The following SHISA9 variants were observed in gnomAD, a reference collection of about 807,000 sequenced individuals.
The protein encoded by SHISA9 is shisa family member 9, also known as protein shisa-9.
SHISA9 carries 13 observed loss-of-function variants against 38.0 expected under a neutral mutation model. The observed-to-expected ratio is 0.34, with a 90% CI of 0.22 to 0.54. The LOEUF (loss-of-function observed/expected upper bound fraction) is 0.54. Among genes scored for constraint, SHISA9 ranks in the 20% least tolerant of loss-of-function variants. SHISA9 has a pLI of 0.91. For synonymous variants in SHISA9, 275 were observed against 242.0 expected, an observed-to-expected ratio of 1.14 and a Z score of -1.27; for missense variants, 538 against 575.8, an observed-to-expected ratio of 0.93 and a Z score of 0.67.
the SHISA9 span, among the ~76,000 whole-genome samples, chr16:13,262,679 A>AG: frequency 4.3e-3 from 453 of 104,142 alleles, 9 homozygotes; most frequent in Non-Finnish European, 4.9e-3. Context: ...GAAGGGAGGG[A>AG]GGAAGGAAGG....
At chr16:13,000,290 G>A (rs1249784406) in intron 2 of SHISA9, among the ~76,000 whole-genome samples, 1 of 151,988 alleles carries the variant, frequency 6.6e-6, no homozygotes, top group Non-Finnish European at 1.5e-5. Context: ...AGATTCCTAT[G>A]CAAGTGATTT....
chr16:13,367,455 C>G, the SHISA9 span, among the ~76,000 whole-genome samples: 1 of 151,468 alleles, frequency 6.6e-6, no homozygotes, highest in African/African-American at 2.4e-5. Context: ...TTATCATTGT[C>G]CCTATTTTTC....
At chr16:13,183,953 G>C (rs377674389) in intron 2 of SHISA9, among the ~76,000 whole-genome samples, 2 of 152,016 alleles carry the variant, frequency 1.3e-5, no homozygotes, top group Admixed American at 6.6e-5. Flanking sequence ...TGGGAGGGGC[G>C]GACAGAAACT....
At chr16:12,963,394 A>T (rs914193519) in intron 2 of SHISA9, among the ~76,000 whole-genome samples, 8 of 152,162 alleles carry the variant, frequency 5.3e-5, no homozygotes, top group African/African-American at 1.9e-4. Flanking sequence ...AGGAGCTCCT[A>T]GTGTAGCAAG....
At chr16:13,434,417 A>ATGTTTTTTTTTTTTGTT in the SHISA9 span, among the ~76,000 whole-genome samples, 5 of 41,798 alleles carry the variant, frequency 1.2e-4, no homozygotes, top group Non-Finnish European at 2.6e-4. Context: ...TAGACAAGCT[A>ATGTTTTTTTTTTTTGTT]TGTTTTTTTT....
chr16:13,158,558 C>T (rs184810176), intron 2 of SHISA9, among the ~76,000 whole-genome samples: 2 of 152,320 alleles, frequency 1.3e-5, no homozygotes, highest in African/African-American at 4.8e-5. Flanking sequence ...TTCACTGTCC[C>T]TGTTACTTGG....
chr16:12,902,741 C>G, intron 1 of SHISA9, 114 bp downstream of exon 1: 1 of 1,131,804 alleles, frequency 8.8e-7, no homozygotes, highest in African/African-American at 1.6e-5. Context: ...GCATCCCAGC[C>G]TCTCCGCTGG....
intron 2 of SHISA9, among the ~76,000 whole-genome samples, chr16:12,925,047 A>C (rs1182159082): frequency 2.0e-5 from 3 of 148,066 alleles, no homozygotes; most frequent in Non-Finnish European, 4.6e-5. Flanking sequence ...TATTGGTGCG[A>C]AAGTTGGCTG....
At chr16:13,400,654 G>A in the SHISA9 span, among the ~76,000 whole-genome samples, 3 of 152,148 alleles carry the variant, frequency 2.0e-5, no homozygotes, top group African/African-American at 4.8e-5. Flanking sequence ...ATGTTGTCTC[G>A]ATCAGAGGAC....
intron 2 of SHISA9, among the ~76,000 whole-genome samples, chr16:12,963,702 G>T (rs1156512277): frequency 1.3e-5 from 2 of 152,192 alleles, no homozygotes; most frequent in African/African-American, 4.8e-5. Context: ...TGATTATAAG[G>T]CTAGGAAGGT....
chr16:13,122,440 A>G (rs963559333), intron 2 of SHISA9, among the ~76,000 whole-genome samples: 1 of 152,228 alleles, frequency 6.6e-6, no homozygotes, highest in African/African-American at 2.4e-5. Context: ...TCTGTGCTAC[A>G]GGAAGGCAGC....
intron 2 of SHISA9, among the ~76,000 whole-genome samples, chr16:12,924,535 A>G (rs1444952400): frequency 6.6e-6 from 1 of 152,228 alleles, no homozygotes; most frequent in Non-Finnish European, 1.5e-5. Context: ...ATAGTTGGGC[A>G]GACTAGTTGT....
chr16:13,411,722 CTG>C, the SHISA9 span, among the ~76,000 whole-genome samples: 1 of 152,218 alleles, frequency 6.6e-6, no homozygotes, highest in Admixed American at 6.5e-5. Flanking sequence ...AGGATACACT[CTG>C]TAAGTTACAC....
chr16:13,354,092 C>A, the SHISA9 span, among the ~76,000 whole-genome samples: 1 of 149,058 alleles, frequency 6.7e-6, no homozygotes, highest in African/African-American at 2.5e-5. Flanking sequence ...GCTAATTTGC[C>A]AGTCCTGGGT....
At chr16:13,300,790 C>A in the SHISA9 span, among the ~76,000 whole-genome samples, 1 of 152,072 alleles carries the variant, frequency 6.6e-6, no homozygotes, top group South Asian at 2.1e-4. Flanking sequence ...GCCAAGTGCA[C>A]AAAATGGAGC....
At chr16:12,923,806 AC>A (rs1331834633) in intron 2 of SHISA9, among the ~76,000 whole-genome samples, 7 of 151,722 alleles carry the variant, frequency 4.6e-5, no homozygotes, top group Non-Finnish European at 7.4e-5. Flanking sequence ...ACGTCACTGC[AC>A]CCCAGCCTGG....
At chr16:13,509,272 C>CAAAAAAAA in the SHISA9 span, among the ~76,000 whole-genome samples, 1 of 146,236 alleles carries the variant, frequency 6.8e-6, no homozygotes, top group Non-Finnish European at 1.5e-5. Context: ...GTCAGAAATG[C>CAAAAAAAA]AAAAAAAAAA....
At chr16:13,145,234 A>G (rs2050436797) in intron 2 of SHISA9, among the ~76,000 whole-genome samples, 1 of 152,120 alleles carries the variant, frequency 6.6e-6, no homozygotes, top group African/African-American at 2.4e-5. Context: ...AGCACTTAGT[A>G]GTTATGTGAG....
At chr16:13,200,226 G>C (rs1270737051) in intron 2 of SHISA9, among the ~76,000 whole-genome samples, 1 of 152,014 alleles carries the variant, frequency 6.6e-6, no homozygotes, top group African/African-American at 2.4e-5. Flanking sequence ...TATTTCCTGA[G>C]ATCACCTGCC....
Sources: gnomAD v4.1 joint callset for allele counts (sites outside exome capture counted in the v4.1 genomes callset) on GRCh38, gnomAD v4.1.1 for gene constraint, MANE v1.5 for transcripts, NCBI Gene and HGNC (gene_info 2026-07-23, HGNC 2026-07-21) for gene names.